The following RALGAPA1 variants were observed in gnomAD, a reference collection of about 807,000 sequenced individuals.
RALGAPA1 encodes the protein ral GTPase-activating protein subunit alpha-1.
In RALGAPA1, 52 loss-of-function variants were observed where a neutral mutation model predicts 269.6. The ratio of observed to expected loss-of-function variants is 0.19; its 90% CI spans 0.15 to 0.24. RALGAPA1 has a LOEUF of 0.24. Among genes scored for constraint, RALGAPA1 ranks in the 10% least tolerant of loss-of-function variants. The pLI is 1.00. For missense variants in RALGAPA1, 1,917 were observed against 3,013.9 expected (o/e 0.64, Z 8.52); for synonymous variants, 817 against 1,008.3 (o/e 0.81, Z 3.60).
At chr14:35,606,715 A>G (rs2059616533) in intron 35 of RALGAPA1, among the ~76,000 whole-genome samples, 1 of 152,012 alleles carries the variant, frequency 6.6e-6, no homozygotes, top group Admixed American at 6.6e-5. Flanking sequence ...AAAAACTTTA[A>G]GACCATTAGT....
intron 12 of RALGAPA1, among the ~76,000 whole-genome samples, 171 bp downstream of exon 12, chr14:35,738,342 A>G (rs570072531): frequency 1.3e-5 from 2 of 152,122 alleles, no homozygotes; most frequent in East Asian, 3.9e-4. Context: ...ATAATATGTA[A>G]TGTTTATTAA....
intron 1 of RALGAPA1, among the ~76,000 whole-genome samples, chr14:35,776,385 G>GA (rs35941793): frequency 0.028 from 3,874 of 138,992 alleles, 66 homozygotes; most frequent in Middle Eastern, 0.062. Flanking sequence ...CCACCTTGGG[G>GA]AAAAAAAAAA....
At chr14:35,782,465 T>C (rs112758448) in intron 1 of RALGAPA1, among the ~76,000 whole-genome samples, 1 of 152,300 alleles carries the variant, frequency 6.6e-6, no homozygotes, top group East Asian at 1.9e-4. Flanking sequence ...TATCACTCTG[T>C]TGCCCAGGCA....
intron 26 of RALGAPA1, among the ~76,000 whole-genome samples, chr14:35,666,849 T>A (rs919788390): frequency 6.6e-6 from 1 of 152,294 alleles, no homozygotes; most frequent in African/African-American, 2.4e-5. Context: ...TGACTAGTCA[T>A]CTGGAATACC....
At chr14:35,803,828 T>C (rs938037012) in intron 1 of RALGAPA1, among the ~76,000 whole-genome samples, 2 of 151,968 alleles carry the variant, frequency 1.3e-5, no homozygotes, top group African/African-American at 2.4e-5. Flanking sequence ...TTCACCATCT[T>C]GGCCAGGCTG....
At chr14:35,785,242 C>T (rs530347771) in intron 1 of RALGAPA1, among the ~76,000 whole-genome samples, 4 of 152,240 alleles carry the variant, frequency 2.6e-5, no homozygotes, top group East Asian at 1.9e-4. Context: ...AGTTTTTGCA[C>T]AATGCAAATA....
At position 35,688,981 on chromosome 14, in the gene RALGAPA1, TA is replaced by T; in HGVS notation, c.3429del (p.Thr1144LeufsTer33). On this transcript the variant is annotated frameshift_variant, in exon 18 of 42. Transcript: ENST00000680220. LOFTEE classifies it high-confidence loss of function. The part of the protein sequence containing the change: ...VTHRAKIMKI[A>X]TKKRNSVHVT... Reference sequence around the variant, plus strand: ...ACATGAACACTATTTCGTTTTTTAGTAGCAATTTTCATGATTTTGGCTCTAT... The same window carrying T: ...ACATGAACACTATTTCGTTTTTTAGTGCAATTTTCATGATTTTGGCTCTAT... 1 of 1,236,816 alleles carries T rather than the reference TA, an allele frequency of 8.1e-7. No individual in the cohort carries two copies. Among genetic ancestry groups the T allele is most frequent in the Non-Finnish European group, 1.0e-6 (1 of 990,694 alleles). 76.6% of individuals were successfully genotyped at this position (1,236,816 alleles called of 1,614,324 possible).
Position 35,748,776 on chromosome 14 carries a change from C to A in RALGAPA1, c.1060G>T (p.Ala354Ser), listed in dbSNP as rs2072388407. 2 of 1,609,498 alleles carry A rather than the reference C, an allele frequency of 1.2e-6. No homozygotes were observed. Among genetic ancestry groups the A allele is most frequent in the South Asian group, 2.2e-5 (2 of 90,820 alleles). ...VSREESKNDN[A>S]DKTDRTTEPE... ...TCTGTAGTTCTGTCTGTTTTATCAG[C>A]ATTATCATTTTTGCTTTCTTCTCTG... is the stretch of plus-strand genomic sequence containing the variant. The change falls in exon 10 of 42, where the codon GCT (alanine) becomes TCT (serine). Residue 354 changes from alanine (A) to serine (S), a missense_variant. Physicochemically the swap from Ala to Ser is moderately conservative, Grantham distance 99. Coordinates refer to ENST00000680220, the MANE Select transcript of RALGAPA1 (RefSeq NM_001346249.2).
intron 35 of RALGAPA1, among the ~76,000 whole-genome samples, chr14:35,620,918 T>C (rs2060580791): frequency 6.6e-6 from 1 of 152,220 alleles, no homozygotes; most frequent in Non-Finnish European, 1.5e-5. Context: ...ATCAATATCA[T>C]GAAAATGGCC....
chr14:35,783,965 T>C (rs1443411058), intron 1 of RALGAPA1, among the ~76,000 whole-genome samples: 2 of 152,100 alleles, frequency 1.3e-5, no homozygotes, highest in Non-Finnish European at 2.9e-5. Context: ...CTGGTGGGAA[T>C]ATAAATGATG....
Position 35,695,501 on chromosome 14 carries a change from G to T in RALGAPA1, c.2407+4661C>A, listed in dbSNP as rs1029899509. On this transcript the variant is annotated intron_variant, in intron 17 of 41. Transcript: ENST00000680220. The stretch of plus-strand genomic sequence containing the variant: ...AGCTCAATTCAAATAATAACATATC[G>T]TTAATAAAAAGAGATCAGTCCCCAA... Among the ~76,000 whole-genome samples, 6 of 151,930 alleles carry T rather than the reference G, an allele frequency of 3.9e-5. 1 individual carries two copies. The South Asian group carries it at 1.2e-3, about 32-fold the overall frequency.
At chr14:35,692,695 C>G (rs1168440081) in intron 17 of RALGAPA1, among the ~76,000 whole-genome samples, 1 of 151,578 alleles carries the variant, frequency 6.6e-6, no homozygotes, top group Non-Finnish European at 1.5e-5. Flanking sequence ...CATAATAATA[C>G]TAACTACATA....
chr14:35,725,348 T>A (rs2069795539), intron 13 of RALGAPA1, among the ~76,000 whole-genome samples, 195 bp from the exon 14 acceptor site: 1 of 152,186 alleles, frequency 6.6e-6, no homozygotes, highest in African/African-American at 2.4e-5. Context: ...TCATTTAAAA[T>A]CATTTATCGG....
chr14:35,750,756 A>G, intron 8 of RALGAPA1, 66 bp from the exon 9 acceptor site: 2 of 1,274,568 alleles, frequency 1.6e-6, no homozygotes, highest in East Asian at 2.4e-5. Flanking sequence ...AAAAACCTAC[A>G]TTTTTAAATA....
At chr14:35,789,481 A>C (rs896550837) in intron 1 of RALGAPA1, among the ~76,000 whole-genome samples, 2 of 152,188 alleles carry the variant, frequency 1.3e-5, no homozygotes, top group African/African-American at 4.8e-5. Context: ...TGCCCCAGCT[A>C]CTAGGGAGGC....
intron 21 of RALGAPA1, among the ~76,000 whole-genome samples, chr14:35,683,223 C>G (rs917065793): frequency 1.3e-5 from 2 of 152,182 alleles, no homozygotes; most frequent in African/African-American, 2.4e-5. Flanking sequence ...TAATGTGACT[C>G]TGCATTTAAC....
chr14:35,598,318 G>A (rs188154328), intron 36 of RALGAPA1, among the ~76,000 whole-genome samples: 4 of 151,950 alleles, frequency 2.6e-5, no homozygotes, highest in Non-Finnish European at 1.5e-5. Flanking sequence ...TGATATTAAT[G>A]CAGTCACTCT....
At chr14:35,586,621 C>A (rs1339787450) in intron 37 of RALGAPA1, among the ~76,000 whole-genome samples, 1 of 152,152 alleles carries the variant, frequency 6.6e-6, no homozygotes, top group African/African-American at 2.4e-5. Context: ...TGAGATAAGT[C>A]CCATCAATAC....
rs866224936 is a variant in RALGAPA1 at position 35,669,462 on chromosome 14, C to T, written c.5202+1927G>A. 3.3e-5 allele frequency among the ~76,000 whole-genome samples: 5 copies of T among 152,296 alleles called. No individual in the cohort carries two copies. In the South Asian group the frequency reaches 1.0e-3, roughly 32 times the overall value. ...AGAGATGGGGTTTCTCCATGTTGGTCAGACTAGTCTTGAACTCCTGACCTC... is the reference window on the plus strand; with the variant it reads ...AGAGATGGGGTTTCTCCATGTTGGTTAGACTAGTCTTGAACTCCTGACCTC... On this transcript the variant is annotated intron_variant, in intron 26 of 41. Coordinates refer to ENST00000680220, the MANE Select transcript of RALGAPA1 (RefSeq NM_001346249.2).
Sources: gnomAD v4.1 joint callset for allele counts (sites outside exome capture counted in the v4.1 genomes callset) on GRCh38, gnomAD v4.1.1 for gene constraint, MANE v1.5 for transcripts, NCBI Gene and HGNC (gene_info 2026-07-23, HGNC 2026-07-21) for gene names.